The following CHD9 variants were observed in gnomAD, a reference collection of about 807,000 sequenced individuals.
CHD9 encodes chromodomain helicase DNA binding protein 9.
CHD9 carries 77 observed loss-of-function variants against 316.1 expected under a neutral mutation model. The observed-to-expected ratio is 0.24, with a 90% CI of 0.20 to 0.29. The LOEUF (loss-of-function observed/expected upper bound fraction) is 0.29, where lower values mean the gene tolerates loss of function less well. Among genes scored for constraint, CHD9 ranks in the 10% least tolerant of loss-of-function variants. The pLI is 1.00. For synonymous variants in CHD9, 1,129 were observed against 1,158.3 expected (o/e 0.97, Z 0.51); for missense variants, 2,763 against 3,438.1 (o/e 0.80, Z 4.91).
In CHD9 at chr16:53,314,474, TG is replaced by T; in HGVS notation, c.7321del (p.Val2441LeufsTer17). On this transcript the variant is annotated frameshift_variant, in exon 35 of 39. Transcript: ENST00000447540. LOFTEE classifies it high-confidence loss of function. The part of the protein sequence containing the change: ...RRGRRKNVEG[V>X]DIFFFNRNKP... ...GAGGAAGGAGGAAGAATGTAGAAGG[TG>T]TTGACATCTTCTTTTTTAACAGAAA... 1.3e-6 allele frequency: 2 copies of T among 1,581,726 alleles called. No homozygotes were observed. The highest frequency in any genetic ancestry group is 1.7e-6 in the Non-Finnish European group (2 of 1,162,494).
At position 53,243,849 on chromosome 16, in the gene CHD9, C is replaced by T. The variant is rs576624372; in HGVS notation, c.3054+833C>T. On this transcript the variant is annotated intron_variant, in intron 13 of 38. Coordinates refer to ENST00000447540, the MANE Select transcript of CHD9 (RefSeq NM_001308319.2). ...ACATTTTGATTTTTAATTAAGATCACATAATTATTACATGAGCACTTGAAC... is the reference window on the plus strand; with the variant it reads ...ACATTTTGATTTTTAATTAAGATCATATAATTATTACATGAGCACTTGAAC... Among the ~76,000 whole-genome samples, 94 of 152,276 alleles carry T rather than the reference C, an allele frequency of 6.2e-4. No homozygotes were observed. The Middle Eastern group carries it at 0.024, about 39-fold the overall frequency.
intron 10 of CHD9, among the ~76,000 whole-genome samples, chr16:53,233,520 T>G (rs1292042160): frequency 1.3e-5 from 2 of 152,112 alleles, no homozygotes; most frequent in African/African-American, 4.8e-5. Context: ...CCTCTTGGGT[T>G]TTTATGGAGT....
intron 1 of CHD9, among the ~76,000 whole-genome samples, chr16:53,118,980 T>TG (rs1230059325): frequency 2.0e-5 from 3 of 152,144 alleles, no homozygotes; most frequent in East Asian, 1.9e-4. Context: ...TTAGTAGAGA[T>TG]GGGGTTCCAC....
intron 1 of CHD9, among the ~76,000 whole-genome samples, chr16:53,056,594 C>T (rs570347795): frequency 1.3e-5 from 2 of 152,320 alleles, no homozygotes; most frequent in East Asian, 3.9e-4. Context: ...TGCAAAAGAA[C>T]AATACTCTGC....
At chr16:53,208,531 A>G in intron 2 of CHD9, 1 of 1,048,128 alleles carries the variant, frequency 9.5e-7, no homozygotes, top group Non-Finnish European at 1.2e-6. Context: ...TTAAGGTGGC[A>G]TTTTAGTGAG....
chr16:53,239,235 A>G (rs929572757), intron 12 of CHD9, among the ~76,000 whole-genome samples: 1 of 152,034 alleles, frequency 6.6e-6, no homozygotes, highest in Non-Finnish European at 1.5e-5. Flanking sequence ...TTCTAAATAC[A>G]TAGATTGTAA....
At chr16:53,313,043 G>A (rs1217320412) in intron 34 of CHD9, among the ~76,000 whole-genome samples, 1 of 152,094 alleles carries the variant, frequency 6.6e-6, no homozygotes, top group Admixed American at 6.6e-5. Context: ...ATAGTACATA[G>A]CTGCTTAATA....
intron 1 of CHD9, among the ~76,000 whole-genome samples, chr16:53,134,447 C>T (rs2039569315): frequency 6.6e-6 from 1 of 151,726 alleles, no homozygotes; most frequent in African/African-American, 2.4e-5. Flanking sequence ...CCTCTGTTTA[C>T]TTCCTTATTT....
chr16:53,204,746 A>G (rs1567473472), intron 2 of CHD9, among the ~76,000 whole-genome samples: 1 of 152,290 alleles, frequency 6.6e-6, no homozygotes, highest in Middle Eastern at 3.4e-3. Context: ...CATATCACAT[A>G]TGATATCATC....
intron 2 of CHD9, among the ~76,000 whole-genome samples, chr16:53,166,694 C>T (rs1028755197): frequency 4.6e-5 from 7 of 152,076 alleles, no homozygotes; most frequent in African/African-American, 1.4e-4. Flanking sequence ...TGTTTTAATA[C>T]AATATGGTGT....
At chr16:53,183,630 A>C (rs1336417594) in intron 2 of CHD9, among the ~76,000 whole-genome samples, 1 of 152,172 alleles carries the variant, frequency 6.6e-6, no homozygotes, top group African/African-American at 2.4e-5. Context: ...ACTCCTTTCT[A>C]ATGCCGAGTA....
At chr16:53,066,854 T>A (rs2152507114) in intron 1 of CHD9, among the ~76,000 whole-genome samples, 1 of 152,330 alleles carries the variant, frequency 6.6e-6, no homozygotes, top group African/African-American at 2.4e-5. Context: ...AAAGACTTTA[T>A]ATATTTTTGG....
intron 3 of CHD9, among the ~76,000 whole-genome samples, chr16:53,215,833 A>G (rs979332698): frequency 6.6e-6 from 1 of 152,188 alleles, no homozygotes. Context: ...CATAAATTAC[A>G]TCTGAAAATC....
In CHD9 at chr16:53,157,741, G is replaced by C. The variant is rs141528470; in HGVS notation, c.1452+200G>C. Among the ~76,000 whole-genome samples the C allele has an allele frequency of 9.9e-4, 150 of 152,246 alleles. No homozygotes were observed. In the East Asian group the frequency reaches 0.026, roughly 27 times the overall value. Reference sequence around the variant, plus strand: ...ATTCACTGATATGCTCAAAGCAATAGATTAGCTTCTATATTTAGAAAATTA... The same window carrying C: ...ATTCACTGATATGCTCAAAGCAATACATTAGCTTCTATATTTAGAAAATTA... On this transcript the variant is annotated intron_variant, in intron 2 of 38. Coordinates refer to ENST00000447540, the MANE Select transcript of CHD9 (RefSeq NM_001308319.2).
Position 53,254,502 on chromosome 16 carries a change from G to A in CHD9, c.3926G>A (p.Arg1309His). The A allele has an allele frequency of 6.2e-7, 1 of 1,613,056 alleles. No homozygotes were observed. Among genetic ancestry groups the A allele is most frequent in the Non-Finnish European group, 8.5e-7 (1 of 1,179,390 alleles). Residue 1309 changes from arginine (R) to histidine (H), a missense_variant, in exon 18 of 39, where the codon CGT (arginine) becomes CAT (histidine). By Grantham distance (29) the Arg-to-His change is conservative. Transcript: ENST00000447540. ...GTTAAAGTCTACAGACTGGTAACTC[G>A]TAACTCATATGAGAGAGAGATGTTT... ...KAVKVYRLVT[R>H]NSYEREMFDR...
intron 13 of CHD9, among the ~76,000 whole-genome samples, chr16:53,243,980 T>C (rs1049773111): frequency 1.3e-5 from 2 of 152,190 alleles, no homozygotes; most frequent in African/African-American, 4.8e-5. Context: ...CATTCCAGTA[T>C]GGTTTCCTGT....
At chr16:53,317,882 T>G (rs1279188804) in intron 36 of CHD9, among the ~76,000 whole-genome samples, 1 of 151,838 alleles carries the variant, frequency 6.6e-6, no homozygotes, top group Non-Finnish European at 1.5e-5. Flanking sequence ...GGCAAAACTT[T>G]CATCTCTACA....
intron 1 of CHD9, among the ~76,000 whole-genome samples, chr16:53,118,042 C>T (rs548146092): frequency 6.6e-6 from 1 of 151,918 alleles, no homozygotes; most frequent in South Asian, 2.1e-4. Flanking sequence ...TTAGCCAGGG[C>T]AGTTTCGATC....
intron 2 of CHD9, among the ~76,000 whole-genome samples, chr16:53,171,292 G>A (rs568919900): frequency 2.6e-5 from 4 of 151,952 alleles, no homozygotes; most frequent in African/African-American, 4.8e-5. Context: ...GGTGGCGGGC[G>A]CCTGTAGTCC....
Sources: gnomAD v4.1 joint callset for allele counts (sites outside exome capture counted in the v4.1 genomes callset) on GRCh38, gnomAD v4.1.1 for gene constraint, MANE v1.5 for transcripts, NCBI Gene and HGNC (gene_info 2026-07-23, HGNC 2026-07-21) for gene names.